Variants in NEB observed in about 807,000 individuals in gnomAD.
The protein encoded by NEB is nebulin.
NEB carries 512 observed loss-of-function variants against 952.2 expected under a neutral mutation model. That is an observed-to-expected ratio of 0.54 (90% CI 0.50 to 0.58). The LOEUF is 0.58. Among genes scored for constraint, NEB ranks in the 20% least tolerant of loss-of-function variants. The pLI, the probability that NEB is intolerant of heterozygous loss-of-function variation, is 0.00. For missense variants in NEB, 8,428 were observed against 9,231.1 expected, an observed-to-expected ratio of 0.91 and a Z score of 3.56; for synonymous variants, 2,900 against 3,149.8, an observed-to-expected ratio of 0.92 and a Z score of 2.66.
rs545595071 is a variant in NEB at position 151,666,015 on chromosome 2, G to A, written c.5031+75C>T. Reference sequence around the variant, plus strand: ...AATTACAGTGAGTGCAGCCAGGTGTGGGATGGAGTAAGTGGCTCCTGTTTT... The same window carrying A: ...AATTACAGTGAGTGCAGCCAGGTGTAGGATGGAGTAAGTGGCTCCTGTTTT... On this transcript the variant is annotated intron_variant, in intron 41 of 181. Transcript: ENST00000397345. 15 of 1,421,812 alleles carry A rather than the reference G, an allele frequency of 1.1e-5. No homozygotes were observed. In the East Asian group the frequency reaches 3.4e-4, roughly 33 times the overall value. The allele number at this position is 1,421,812 out of a possible 1,614,324, so 88.1% of individuals were successfully genotyped here. A position where few individuals can be genotyped will look rare whatever the true frequency, so the allele number is the denominator to read the frequency against.
In NEB at chr2:151,531,818, T is replaced by A; in HGVS notation, c.21496A>T (p.Thr7166Ser). The change falls in exon 144 of 182, where the codon ACA (threonine) becomes TCA (serine). Residue 7166 changes from threonine to serine, a missense_variant. Physicochemically the swap from Thr to Ser is moderately conservative, Grantham distance 58. This residue lies in a region of NEB where 3,374 missense variants were observed against 3,651.5 expected (regional missense o/e 0.92). Transcript: ENST00000397345. ...IVDTPEHLRT[T>S]KVNKQISDIL... ...TCGCTGATTTGTTTGTTGACTTTTG[T>A]AGTACGCAGGTGTTCTGGAGTATCC... The A allele has an allele frequency of 6.2e-7, 1 of 1,612,864 alleles. No individual in the cohort carries two copies. Among genetic ancestry groups the A allele is most frequent in the Middle Eastern group, 1.7e-4 (1 of 6,060 alleles).
At chr2:151,624,237 A>G (rs2098475143) in intron 71 of NEB, among the ~76,000 whole-genome samples, 1 of 152,156 alleles carries the variant, frequency 6.6e-6, no homozygotes. Context: ...GTGAAGTCAA[A>G]GCCTTCAATG....
chr2:151,665,975 C>A, intron 41 of NEB, 115 bp downstream of exon 41: 1 of 1,102,038 alleles, frequency 9.1e-7, no homozygotes, highest in Non-Finnish European at 1.3e-6. Context: ...ACTCTGAGTT[C>A]TGGAGGGAAT....
In NEB at chr2:151,607,225, C is replaced by T. The variant is rs1280185604; in HGVS notation, c.12639+279G>A. Among the ~76,000 whole-genome samples the T allele has an allele frequency of 1.9e-5, 2 of 103,234 alleles. 1 individual carries two copies. Among genetic ancestry groups the T allele is most frequent in the Non-Finnish European group, 5.1e-5 (2 of 39,336 alleles). The allele number at this position is 103,234 out of a possible 152,430, so 67.7% of individuals were successfully genotyped here. ...AAAAGTCCTGGATCAATTAAAAAAA[C>T]CTAAGATGATAACAGAGACTGTTAA... On this transcript the variant is annotated intron_variant, in intron 83 of 181. Transcript: ENST00000397345.
rs2098907339 is a variant in NEB at position 151,643,171 on chromosome 2, G to GT, written c.8138dup (p.Asn2713LysfsTer17). 1 of 1,613,184 alleles carries GT rather than the reference G, an allele frequency of 6.2e-7. No homozygotes were observed. The highest frequency in any genetic ancestry group is 8.5e-7 in the Non-Finnish European group (1 of 1,179,408). On this transcript the variant is annotated frameshift_variant, in exon 58 of 182. Coordinates refer to ENST00000397345, the MANE Select transcript of NEB (RefSeq NM_001164508.2). LOFTEE classifies it high-confidence loss of function. ...TTACATGATTCATGGTAATAGCATT[G>GT]TTTTTTGCCAAAACCATTGGTATGG... is the stretch of plus-strand genomic sequence containing the variant.
rs772438749 is a variant in NEB at position 151,669,085 on chromosome 2, A to G, written c.4553T>C (p.Ile1518Thr). Residue 1518 changes from isoleucine to threonine, a missense_variant, in exon 39 of 182, where the codon ATT becomes ACT. Physicochemically the swap from Ile to Thr is moderately conservative, Grantham distance 89. Transcript: ENST00000397345. ...AATAAACTGAGGCAATTCAGGGTCA[A>G]TAGTATACTTGTGCTTCAGTTTCTC... Reference protein sequence around the residue: ...EGEKLKHKYTIDPELPQFIQA... With the variant: ...EGEKLKHKYTTDPELPQFIQA... 3 of 1,594,448 alleles carry G rather than the reference A, an allele frequency of 1.9e-6. No homozygotes were observed. Among genetic ancestry groups the G allele is most frequent in the Non-Finnish European group, 2.6e-6 (3 of 1,169,340 alleles).
intron 135 of NEB, among the ~76,000 whole-genome samples, chr2:151,545,276 G>A (rs2094534448): frequency 6.6e-6 from 1 of 152,108 alleles, no homozygotes; most frequent in South Asian, 2.1e-4. Context: ...AAAATAATAA[G>A]TAAAATTATT....
At chr2:151,638,276 T>A (rs1043020890) in intron 63 of NEB, among the ~76,000 whole-genome samples, 1 of 152,214 alleles carries the variant, frequency 6.6e-6, no homozygotes. Flanking sequence ...AGAGGTCATA[T>A]GTCCAGAAGA....
intron 181 of NEB, among the ~76,000 whole-genome samples, chr2:151,487,011 T>G (rs1018347927): frequency 6.6e-6 from 1 of 152,186 alleles, no homozygotes; most frequent in African/African-American, 2.4e-5. Flanking sequence ...TTGTACACTT[T>G]ATGAACTTCA....
chr2:151,503,300 G>A, intron 166 of NEB, 49 bp downstream of exon 166: 1 of 1,370,648 alleles, frequency 7.3e-7, no homozygotes, highest in Non-Finnish European at 1.0e-6. Context: ...GGTTATTGTG[G>A]TAAATTTTTT....
At position 151,696,658 on chromosome 2, in the gene NEB, G is replaced by T; in HGVS notation, c.1548C>A (p.Val516=). 2 of 1,613,598 alleles carry T rather than the reference G, an allele frequency of 1.2e-6. No individual in the cohort carries two copies. The highest frequency in any genetic ancestry group is 2.2e-5 in the South Asian group (2 of 91,048). The change falls in exon 17 of 182, where the codon GTC becomes GTA. Residue 516 remains valine (V), a synonymous_variant. Transcript: ENST00000397345. Reference sequence around the variant, plus strand: ...TTACGTCACTCAGTTGTTTGGAATTGACTTGGGCTTGTAGCAGAACAGGAG... The same window carrying T: ...TTACGTCACTCAGTTGTTTGGAATTTACTTGGGCTTGTAGCAGAACAGGAG... ...TDSPVLLQAQ[V]NSKQLSDLNY...
intron 38 of NEB, 113 bp downstream of exon 38, chr2:151,670,910 G>A: frequency 8.8e-7 from 1 of 1,130,928 alleles, no homozygotes. Context: ...TATGAAAGCA[G>A]TTTATTTGCT....
rs1273035788 is a variant in NEB at position 151,618,342 on chromosome 2, T to G, written c.11009A>C (p.Lys3670Thr). The G allele has an allele frequency of 1.2e-6, 2 of 1,613,872 alleles. No homozygotes were observed. The highest frequency in any genetic ancestry group is 2.7e-5 in the African/African-American group (2 of 74,944). ...CGGAGTGTCCGTTATACTGGTAAAT[T>G]TCAGCGTTTCTGGACGCTGACGGTA... ...TIYRQRPETL[K>T]FTSITDTPEQ... The change falls in exon 74 of 182, where the codon AAA (lysine) becomes ACA (threonine). Residue 3670 changes from lysine to threonine, a missense_variant. Around this residue, in one of 11 missense-constraint regions of NEB, gnomAD observed 1,772 missense variants for 1,960.3 expected, o/e 0.90. Transcript: ENST00000397345.
rs771085371 is a variant in NEB at position 151,618,249 on chromosome 2, T to C, written c.11076+26A>G. On this transcript the variant is annotated intron_variant, in intron 74 of 181. Transcript: ENST00000397345. ...AATTGTTCTGTGGTAACTTTCGGTA[T>C]CTAACAGTGAGGATTGAAGACTCAC... The C allele has an allele frequency of 1.9e-6, 3 of 1,599,916 alleles. No individual in the cohort carries two copies. The South Asian group carries it at 3.3e-5, about 18-fold the overall frequency.
intron 107 of NEB, 71 bp downstream of exon 107, chr2:151,575,624 C>T: frequency 9.1e-7 from 1 of 1,094,554 alleles, no homozygotes; most frequent in Non-Finnish European, 1.4e-6. Context: ...TCTTCCCTCC[C>T]TTCCATGCTC....
At chr2:151,666,445 G>T (rs1219056767) in intron 40 of NEB, 44 bp from the exon 41 acceptor site, 3 of 1,569,198 alleles carry the variant, frequency 1.9e-6, no homozygotes, top group Non-Finnish European at 2.6e-6. Flanking sequence ...TAGCATAGAA[G>T]TCTGATATAA....
At chr2:151,654,228 G>A (rs965534118) in intron 51 of NEB, 129 bp from the exon 52 acceptor site, 2 of 496,916 alleles carry the variant, frequency 4.0e-6, no homozygotes, top group African/African-American at 3.9e-5. Flanking sequence ...TAAAGATATG[G>A]ATAAAAATAA....
In NEB at chr2:151,677,900, C is replaced by G. The variant is rs1226706952; in HGVS notation, c.3543G>C (p.Lys1181Asn). 1 of 1,612,450 alleles carries G rather than the reference C, an allele frequency of 6.2e-7. No individual in the cohort carries two copies. Among genetic ancestry groups the G allele is most frequent in the African/African-American group, 1.3e-5 (1 of 74,986 alleles). The change falls in exon 33 of 182, where the codon AAG (lysine) becomes AAC (asparagine). Residue 1181 changes from lysine (K) to asparagine (N), a missense_variant. This residue lies in a region of NEB where 2,851 missense variants were observed against 2,791.5 expected (regional missense o/e 1.02). Coordinates refer to ENST00000397345, the MANE Select transcript of NEB (RefSeq NM_001164508.2). ...CATCACTCTGTATCTGCATCATGTT[C>G]TTAGACAGCTCCAGGTCCATGGCGT... ...LPDAMDLELSKNMMQIQSDNV... is the reference protein window; with the variant it reads ...LPDAMDLELSNNMMQIQSDNV...
rs5835379 is a variant in NEB at position 151,717,855 on chromosome 2, C to CTTTTTT, written c.718-341_718-336dup. 2.9e-5 allele frequency among the ~76,000 whole-genome samples: 4 copies of CTTTTTT among 140,270 alleles called. 1 individual carries two copies. Among genetic ancestry groups the CTTTTTT allele is most frequent in the Non-Finnish European group, 4.6e-5 (3 of 65,866 alleles). 92.0% of individuals were successfully genotyped at this position (140,270 alleles called of 152,430 possible). ...GACTTGACCATATACCTCCTTTGTT[C>CTTTTTT]TTTTTTTTTTTTTTTTGAGACGGAG... On this transcript the variant is annotated intron_variant, in intron 9 of 181. Transcript: ENST00000397345.
Sources: gnomAD v4.1 joint callset for allele counts (sites outside exome capture counted in the v4.1 genomes callset) on GRCh38, gnomAD v4.1.1 for gene constraint, gnomAD v4.1.1 regional missense constraint, MANE v1.5 for transcripts, NCBI Gene and HGNC (gene_info 2026-07-23, HGNC 2026-07-21) for gene names.